The following EXOC6 variants were observed in gnomAD, a reference collection of about 807,000 sequenced individuals.
EXOC6 encodes the protein exocyst complex component 6.
EXOC6 carries 60 observed loss-of-function variants against 112.5 expected under a neutral mutation model. The observed-to-expected ratio is 0.53, with a 90% CI of 0.43 to 0.66. The LOEUF (loss-of-function observed/expected upper bound fraction) is 0.66, where lower values mean the gene tolerates loss of function less well. EXOC6 is among the 30% of genes least tolerant of loss of function. EXOC6 has a pLI of 0.00. For missense variants in EXOC6, 855 were observed against 957.1 expected (o/e 0.89, Z 1.41); for synonymous variants, 295 against 308.0 (o/e 0.96, Z 0.44).
chr10:93,015,514 A>G lies in EXOC6; in HGVS notation c.2169+1247A>G, dbSNP rs760703235. Among the ~76,000 whole-genome samples the G allele has an allele frequency of 2.6e-5, 4 of 152,182 alleles. No individual in the cohort carries two copies. In the East Asian group the frequency reaches 7.7e-4, roughly 29 times the overall value. Reference sequence around the variant, plus strand: ...TTTGGGAGGCCGAGGCGGATGGATCACAAGGTCAGGAGATCAAGATCATCT... The same window carrying G: ...TTTGGGAGGCCGAGGCGGATGGATCGCAAGGTCAGGAGATCAAGATCATCT... On this transcript the variant is annotated intron_variant, in intron 20 of 21. Transcript: ENST00000260762.
chr10:92,936,371 TATG>T (rs1256931353), intron 12 of EXOC6, among the ~76,000 whole-genome samples: 2 of 152,268 alleles, frequency 1.3e-5, no homozygotes, highest in Non-Finnish European at 2.9e-5. Flanking sequence ...TAGTTTTAAA[TATG>T]ATACTTTGTA....
chr10:92,892,701 T>G (rs1463477067), intron 1 of EXOC6, among the ~76,000 whole-genome samples: 1 of 152,114 alleles, frequency 6.6e-6, no homozygotes, highest in African/African-American at 2.4e-5. Flanking sequence ...AGGGGTACGC[T>G]CTCTGTGGAG....
intron 14 of EXOC6, among the ~76,000 whole-genome samples, chr10:92,948,672 T>A (rs1006085838): frequency 6.6e-6 from 1 of 151,696 alleles, no homozygotes; most frequent in African/African-American, 2.4e-5. Flanking sequence ...CTAGAAGTAG[T>A]TGCCCCAAAT....
intron 1 of EXOC6, among the ~76,000 whole-genome samples, chr10:92,859,392 T>C (rs1847787878): frequency 6.6e-6 from 1 of 152,248 alleles, no homozygotes; most frequent in East Asian, 1.9e-4. Flanking sequence ...TCTGTTTTCC[T>C]GACGTCTCTG....
intron 19 of EXOC6, among the ~76,000 whole-genome samples, chr10:93,008,176 A>G (rs755995800): frequency 2.0e-5 from 3 of 152,230 alleles, no homozygotes; most frequent in Non-Finnish European, 4.4e-5. Flanking sequence ...CTCCATCTCA[A>G]AAAAAGAAAA....
At chr10:92,887,723 C>T (rs540436507) in intron 1 of EXOC6, among the ~76,000 whole-genome samples, 43 of 152,126 alleles carry the variant, frequency 2.8e-4, no homozygotes, top group African/African-American at 7.2e-4. Context: ...CCATTTTGAG[C>T]GCTTGCTTGC....
In EXOC6 at chr10:92,920,162, G is replaced by T. The variant is rs549897291; in HGVS notation, c.888+112G>T. On this transcript the variant is annotated intron_variant, in intron 8 of 21. Transcript: ENST00000260762. ...GCTGTAAATCTTCACATAATTCTTT[G>T]TGAAATATCCACTCTGTGTAAGGCA... 128 of 613,618 alleles carry T rather than the reference G, an allele frequency of 2.1e-4. 1 individual carries two copies. Among genetic ancestry groups the T allele is most frequent in the Non-Finnish European group, 3.2e-4 (121 of 380,492 alleles). 38.0% of individuals were successfully genotyped at this position (613,618 alleles called of 1,614,324 possible). A position where few individuals can be genotyped will look rare whatever the true frequency, so the allele number is the denominator to read the frequency against.
intron 20 of EXOC6, among the ~76,000 whole-genome samples, chr10:93,040,623 G>T (rs1252970759): frequency 6.6e-6 from 1 of 152,204 alleles, no homozygotes; most frequent in African/African-American, 2.4e-5. Context: ...CCTTAAAAGA[G>T]TGGTTTATAA....
In EXOC6 at chr10:93,058,117, A is replaced by G. The variant is rs1413917217; in HGVS notation, c.2283-106A>G. 8.2e-6 allele frequency: 8 copies of G among 969,858 alleles called. No individual in the cohort carries two copies. In the East Asian group the frequency reaches 1.4e-4, roughly 17 times the overall value. The allele number at this position is 969,858 out of a possible 1,614,324, so 60.1% of individuals were successfully genotyped here. A position where few individuals can be genotyped will look rare whatever the true frequency, so the allele number is the denominator to read the frequency against. ...TTTCTTTGAACTATATTTTTCAAGC[A>G]TAGGATTAGTGTGGGATAATTCAGA... On this transcript the variant is annotated intron_variant, in intron 21 of 21. Transcript: ENST00000260762.
At chr10:92,897,280 G>C (rs985769457) in intron 4 of EXOC6, among the ~76,000 whole-genome samples, 7 of 152,150 alleles carry the variant, frequency 4.6e-5, no homozygotes, top group Admixed American at 4.6e-4. Flanking sequence ...GTTCATATAA[G>C]TATTGTGTTC....
chr10:93,018,645 A>G (rs1035785193), intron 20 of EXOC6, among the ~76,000 whole-genome samples: 2 of 151,684 alleles, frequency 1.3e-5, no homozygotes, highest in African/African-American at 4.8e-5. Context: ...TTTCAGAGCC[A>G]TAAAACTCAA....
At chr10:92,930,515 A>ATAG in intron 9 of EXOC6, among the ~76,000 whole-genome samples, 1 of 151,490 alleles carries the variant, frequency 6.6e-6, no homozygotes. Flanking sequence ...AATAATAATA[A>ATAG]TAATAATAAT....
intron 13 of EXOC6, among the ~76,000 whole-genome samples, chr10:92,944,851 C>T (rs540295804): frequency 6.6e-6 from 1 of 151,704 alleles, no homozygotes; most frequent in South Asian, 2.1e-4. Flanking sequence ...CAGCTCACTG[C>T]AACCTCTGCC....
intron 19 of EXOC6, among the ~76,000 whole-genome samples, chr10:93,003,754 G>A (rs1476476875): frequency 1.3e-5 from 2 of 151,992 alleles, no homozygotes; most frequent in Non-Finnish European, 2.9e-5. Flanking sequence ...TAGAGAGGGG[G>A]CAATTAATTC....
chr10:92,985,714 T>C (rs1027809432), intron 18 of EXOC6, among the ~76,000 whole-genome samples: 3 of 152,190 alleles, frequency 2.0e-5, no homozygotes, highest in Non-Finnish European at 4.4e-5. Flanking sequence ...TGTCCTCTTT[T>C]AGCTCTGCAC....
At chr10:93,018,358 G>T (rs1230084372) in intron 20 of EXOC6, among the ~76,000 whole-genome samples, 2 of 152,046 alleles carry the variant, frequency 1.3e-5, no homozygotes, top group East Asian at 3.9e-4. Flanking sequence ...AAATGAAAAA[G>T]TACACGTACA....
intron 9 of EXOC6, among the ~76,000 whole-genome samples, chr10:92,933,765 G>GGCA (rs1177160414): frequency 1.3e-5 from 2 of 151,988 alleles, no homozygotes. Flanking sequence ...ATATCATTCT[G>GGCA]GCAGCTGGAC....
chr10:92,933,382 T>C (rs917025470), intron 9 of EXOC6, among the ~76,000 whole-genome samples: 2 of 152,140 alleles, frequency 1.3e-5, no homozygotes, highest in African/African-American at 4.8e-5. Context: ...CAAGCACACA[T>C]GGACCATTAT....
chr10:92,837,102 A>ACACACACACACG (rs1350191081), intron 1 of EXOC6, among the ~76,000 whole-genome samples: 1 of 147,986 alleles, frequency 6.8e-6, no homozygotes, highest in Admixed American at 6.7e-5. Context: ...AACATAACAC[A>ACACACACACACG]CACACACACA....
Sources: gnomAD v4.1 joint callset for allele counts (sites outside exome capture counted in the v4.1 genomes callset) on GRCh38, gnomAD v4.1.1 for gene constraint, MANE v1.5 for transcripts, NCBI Gene and HGNC (gene_info 2026-07-23, HGNC 2026-07-21) for gene names.